Variants in TRPM5 observed in about 807,000 individuals in gnomAD.
The protein encoded by TRPM5 is MLSN1 and TRP-related.
TRPM5 carries 121 observed loss-of-function variants against 124.9 expected under a neutral mutation model. That is an observed-to-expected ratio of 0.97 (90% CI 0.84 to 1.13). The LOEUF is 1.13. Among genes scored for constraint, TRPM5 ranks in the 50% most tolerant of loss-of-function variants. TRPM5 has a pLI of 0.00. For missense variants in TRPM5, 1,643 were observed against 1,589.1 expected (o/e 1.03, Z -0.58); for synonymous variants, 781 against 700.5 (o/e 1.11, Z -1.81).
exon 24 of TRPM5, chr11:2,404,526 G>C (rs1214223744): frequency 1.8e-5 from 3 of 170,442 alleles, no homozygotes; most frequent in Non-Finnish European, 3.7e-5. Context: ...TTCAAAAAAA[G>C]ATGAGTCTCT....
chr11:2,415,629 T>C (rs544643434), intron 8 of TRPM5, among the ~76,000 whole-genome samples, 158 bp from the exon 14 acceptor site: 1 of 152,322 alleles, frequency 6.6e-6, no homozygotes, highest in South Asian at 2.1e-4. Flanking sequence ...GCCTGCCCCC[T>C]GCATTGGGGC....
intron 18 of TRPM5, 82 bp downstream of exon 23, chr11:2,411,270 T>G (rs970432092): frequency 6.9e-7 from 1 of 1,440,868 alleles, no homozygotes; most frequent in Admixed American, 2.6e-5. Context: ...AACAGACCTC[T>G]CTGGAGAGCC....
intron 23 of TRPM5, 133 bp downstream of exon 28, chr11:2,405,394 T>C (rs552572274): frequency 4.2e-6 from 4 of 947,692 alleles, no homozygotes; most frequent in African/African-American, 1.6e-5. Context: ...AAGAGCCGCG[T>C]CCAGCCAAGG....
intron 18 of TRPM5, among the ~76,000 whole-genome samples, chr11:2,410,275 C>T (rs1274573832): frequency 6.6e-6 from 1 of 152,226 alleles, no homozygotes; most frequent in Admixed American, 6.5e-5. Context: ...TCCCCGGAGG[C>T]CTGTGTTTGC....
At chr11:2,437,351 A>T in the TRPM5 span, among the ~76,000 whole-genome samples, 57 of 152,104 alleles carry the variant, frequency 3.7e-4, 1 homozygote, top group South Asian at 0.011. This position sits in a 1 kb window ranked among gnomAD's most constrained non-coding sequence, Gnocchi z 5.6. Context: ...CAGGTGAGAA[A>T]ATTGCCTTGG....
At chr11:2,443,036 C>G in the TRPM5 span, among the ~76,000 whole-genome samples, 2 of 152,258 alleles carry the variant, frequency 1.3e-5, no homozygotes, top group African/African-American at 4.8e-5. This position sits in a 1 kb window ranked among gnomAD's most constrained non-coding sequence, Gnocchi z 5.0. Context: ...AATGGTGCTT[C>G]TATTTTAATT....
chr11:2,406,499 C>T (rs767768112), intron 21 of TRPM5, among the ~76,000 whole-genome samples, 162 bp downstream of exon 26: 3 of 152,188 alleles, frequency 2.0e-5, no homozygotes, highest in African/African-American at 4.8e-5. Context: ...GGGTCCTGCA[C>T]AGGTCAGGCT....
intron 7 of TRPM5, 119 bp from the exon 13 acceptor site, chr11:2,416,143 A>T: frequency 3.0e-6 from 2 of 669,708 alleles, no homozygotes; most frequent in Non-Finnish European, 2.5e-6. Context: ...TCACGCTGGG[A>T]CTTGAGGGGG....
intron 3 of TRPM5, among the ~76,000 whole-genome samples, chr11:2,420,806 C>A (rs1845761033): frequency 6.6e-6 from 1 of 152,202 alleles, no homozygotes; most frequent in South Asian, 2.1e-4. Flanking sequence ...GGGCTCGGGG[C>A]CTGGGCCCGT....
intron 21 of TRPM5, among the ~76,000 whole-genome samples, 154 bp downstream of exon 26, chr11:2,406,507 G>A (rs539088107): frequency 1.3e-5 from 2 of 152,314 alleles, no homozygotes; most frequent in African/African-American, 4.8e-5. Context: ...CACAGGTCAG[G>A]CTGGAAAGCT....
At chr11:2,405,250 C>T (rs765621522) in intron 23 of TRPM5, among the ~76,000 whole-genome samples, 4 of 152,228 alleles carry the variant, frequency 2.6e-5, no homozygotes, top group Non-Finnish European at 5.9e-5. Flanking sequence ...CCCTTGAGGC[C>T]GAGGGGCCCG....
At chr11:2,418,644 C>A in intron 4 of TRPM5, 53 bp from the exon 10 acceptor site, 1 of 1,554,272 alleles carries the variant, frequency 6.4e-7, no homozygotes, top group Non-Finnish European at 8.7e-7. Flanking sequence ...GGGTGACCAC[C>A]CGGATCTCAG....
chr11:2,420,960 C>T (rs1358000908), intron 3 of TRPM5, 72 bp downstream of exon 8: 19 of 1,440,912 alleles, frequency 1.3e-5, no homozygotes, highest in South Asian at 5.5e-5. Context: ...GAGCTCTGCC[C>T]GCTGCCCAAA....
exon 2 of TRPM5, chr11:2,422,204 C>G (rs572787674): frequency 6.2e-7 from 1 of 1,612,386 alleles, no homozygotes; most frequent in Admixed American, 1.7e-5. Context: ...GACTTCATGG[C>G]GAAAGGCTGC....
exon 16 of TRPM5, chr11:2,412,218 C>G (rs550081696): frequency 6.2e-7 from 1 of 1,613,454 alleles, no homozygotes; most frequent in African/African-American, 1.3e-5. Flanking sequence ...GTGTGAACTT[C>G]TTCACCAGGT....
the TRPM5 span, among the ~76,000 whole-genome samples, chr11:2,440,461 C>A: frequency 1.3e-5 from 2 of 152,140 alleles, no homozygotes; most frequent in African/African-American, 4.8e-5. The surrounding 1 kb of genome is among the most constrained non-coding windows in gnomAD (Gnocchi z 5.2). Context: ...CTCTGTCCAG[C>A]CACCCTGCCC....
At chr11:2,405,096 G>C (rs745620630) in intron 23 of TRPM5, 53 bp from the exon 29 acceptor site, 2 of 1,505,476 alleles carry the variant, frequency 1.3e-6, no homozygotes, top group Non-Finnish European at 1.8e-6. Flanking sequence ...GGCAGGCCCA[G>C]GAAGGGGAGA....
intron 21 of TRPM5, 24 bp downstream of exon 26, chr11:2,406,637 A>G: frequency 6.3e-7 from 1 of 1,583,356 alleles, no homozygotes; most frequent in East Asian, 2.2e-5. Context: ...GATACCCACC[A>G]GTGATCAGGA....
Position 2,415,062 on chromosome 11 carries a change from CGTCGG to C in TRPM5, c.1480-20_1480-16del. The C allele has an allele frequency of 6.3e-7, 1 of 1,594,992 alleles. No individual in the cohort carries two copies. Among genetic ancestry groups the C allele is most frequent in the East Asian group, 2.2e-5 (1 of 44,712 alleles). On this transcript the variant is annotated splice_polypyrimidine_tract_variant and intron_variant, in intron 9 of 23. Transcript: ENST00000155858. ...GGGCCCTTCTCCTGGAGGACACGGG[CGTCGG>C]CCTCCTGCTGCGGCCCCAGCCTCGC... is the stretch of plus-strand genomic sequence containing the variant.
Sources: allele counts gnomAD v4.1 joint callset (sites outside exome capture counted in the v4.1 genomes callset), GRCh38; gene constraint gnomAD v4.1.1; non-coding constraint Gnocchi (gnomAD v3.1); transcripts MANE v1.5; gene names NCBI Gene and HGNC (gene_info 2026-07-23, HGNC 2026-07-21).